Variants in PACSIN2 observed in about 807,000 individuals in gnomAD.
PACSIN2 encodes the protein protein kinase C and casein kinase substrate in neurons 2.
PACSIN2 carries 25 observed loss-of-function variants against 63.8 expected under a neutral mutation model. The observed-to-expected ratio is 0.39, with a 90% CI of 0.29 to 0.55. PACSIN2 has a LOEUF of 0.55. Among genes scored for constraint, PACSIN2 ranks in the 20% least tolerant of loss-of-function variants. PACSIN2 has a pLI of 0.62. For missense variants in PACSIN2, 518 were observed against 646.9 expected, an observed-to-expected ratio of 0.80 and a Z score of 2.16; for synonymous variants, 255 against 256.2, an observed-to-expected ratio of 1.00 and a Z score of 0.05.
chr22:42,967,369 C>G (rs1223096566), intron 1 of PACSIN2, among the ~76,000 whole-genome samples: 1 of 152,054 alleles, frequency 6.6e-6, no homozygotes, highest in Non-Finnish European at 1.5e-5. Flanking sequence ...AACACAAGGC[C>G]GCCAACTTTA....
At chr22:42,982,138 C>A (rs1601601710) in intron 1 of PACSIN2, among the ~76,000 whole-genome samples, 1 of 130,742 alleles carries the variant, frequency 7.6e-6, no homozygotes, top group Non-Finnish European at 1.6e-5. Context: ...GGGACAGCCC[C>A]CCGCCCGGCC....
chr22:42,898,361 T>G (rs1326893012), intron 2 of PACSIN2, among the ~76,000 whole-genome samples: 1 of 151,586 alleles, frequency 6.6e-6, no homozygotes, highest in Non-Finnish European at 1.5e-5. Context: ...AACCTCTGCC[T>G]CCTTGGTTCA....
chr22:42,949,734 A>C (rs1933598270), intron 1 of PACSIN2, among the ~76,000 whole-genome samples: 1 of 152,154 alleles, frequency 6.6e-6, no homozygotes, highest in Non-Finnish European at 1.5e-5. Context: ...ACAGGCAGAA[A>C]GAACCTGTCC....
chr22:42,873,687 G>C (rs780903244), intron 10 of PACSIN2, among the ~76,000 whole-genome samples: 4 of 152,244 alleles, frequency 2.6e-5, no homozygotes, highest in South Asian at 2.1e-4. Context: ...TGCTGCTTCT[G>C]GGGGAGCTTC....
intron 1 of PACSIN2, among the ~76,000 whole-genome samples, chr22:42,954,195 G>A (rs539524339): frequency 1.6e-4 from 25 of 152,138 alleles, no homozygotes; most frequent in Non-Finnish European, 3.5e-4. Flanking sequence ...CCTGGGAGGC[G>A]GAGGTTGCAG....
intron 3 of PACSIN2, 101 bp from the exon 4 acceptor site, chr22:42,891,283 G>A (rs979017440): frequency 2.8e-6 from 2 of 714,892 alleles, no homozygotes; most frequent in Admixed American, 2.6e-5. Flanking sequence ...AGACCACAGA[G>A]GGTTTCCTTT....
At chr22:43,013,292 A>G (rs1601629263) in intron 1 of PACSIN2, among the ~76,000 whole-genome samples, 1 of 152,338 alleles carries the variant, frequency 6.6e-6, no homozygotes, top group East Asian at 1.9e-4. Context: ...CAAGTAATAA[A>G]TATCACCAGC....
chr22:42,928,908 T>G (rs1932699780), intron 1 of PACSIN2, among the ~76,000 whole-genome samples: 1 of 152,254 alleles, frequency 6.6e-6, no homozygotes, highest in East Asian at 1.9e-4. Context: ...GGCAAGTCCC[T>G]TATCTTCTCA....
At chr22:42,883,271 A>G (rs1929213700) in intron 6 of PACSIN2, among the ~76,000 whole-genome samples, 1 of 152,148 alleles carries the variant, frequency 6.6e-6, no homozygotes, top group African/African-American at 2.4e-5. Flanking sequence ...TTCCTCATCA[A>G]TAAGATGGGG....
chr22:42,871,203 C>CTCATCTGCCA lies in PACSIN2; in HGVS notation c.*153_*154insTGGCAGATGA. 4.7e-6 allele frequency: 3 copies of CTCATCTGCCA among 632,078 alleles called. No homozygotes were observed. Among genetic ancestry groups the CTCATCTGCCA allele is most frequent in the Non-Finnish European group, 8.6e-6 (3 of 347,536 alleles). 39.2% of individuals were successfully genotyped at this position (632,078 alleles called of 1,614,324 possible). A position where few individuals can be genotyped will look rare whatever the true frequency, so the allele number is the denominator to read the frequency against. On this transcript the variant is annotated 3_prime_UTR_variant, in exon 11 of 11. Coordinates refer to ENST00000263246, the MANE Select transcript of PACSIN2 (RefSeq NM_001184970.3). This position sits in a 1 kb window ranked among gnomAD's most constrained non-coding sequence, Gnocchi z 5.4. ...ACTCGGAAAGGTGCCGAGTCCCAGG[C>CTCATCTGCCA]GAAATGACCAGCTCATCTGCCTTCC...
chr22:43,008,265 T>A (rs1924226935), intron 1 of PACSIN2, among the ~76,000 whole-genome samples: 1 of 152,248 alleles, frequency 6.6e-6, no homozygotes, highest in Non-Finnish European at 1.5e-5. Context: ...CTTCTTTTTT[T>A]TTTGAGACAG....
intron 1 of PACSIN2, among the ~76,000 whole-genome samples, chr22:42,964,378 A>G (rs1328327119): frequency 2.0e-5 from 3 of 149,846 alleles, no homozygotes; most frequent in Non-Finnish European, 4.4e-5. Flanking sequence ...AGATCGTGCC[A>G]TTACACTCCA....
At chr22:42,983,791 T>C (rs964627199) in intron 1 of PACSIN2, among the ~76,000 whole-genome samples, 1 of 151,804 alleles carries the variant, frequency 6.6e-6, no homozygotes, top group East Asian at 2.0e-4. Context: ...CTATGTATTG[T>C]TTTTTAAGAA....
intron 1 of PACSIN2, among the ~76,000 whole-genome samples, chr22:42,960,449 T>A (rs1024633638): frequency 1.3e-5 from 2 of 152,200 alleles, no homozygotes; most frequent in African/African-American, 2.4e-5. Context: ...CCCCATGGTC[T>A]CTCAGCAGCA....
chr22:42,990,024 A>ATGTG (rs1375468338), intron 1 of PACSIN2, among the ~76,000 whole-genome samples: 9 of 24,096 alleles, frequency 3.7e-4, no homozygotes, highest in Admixed American at 1.4e-3. Context: ...ATACACACAT[A>ATGTG]TGTATATATA....
chr22:43,007,128 C>T (rs1379498779), intron 1 of PACSIN2, among the ~76,000 whole-genome samples: 1 of 152,114 alleles, frequency 6.6e-6, no homozygotes, highest in African/African-American at 2.4e-5. Context: ...AAACTGCTCC[C>T]CAGTGAACTG....
rs548332580 is a variant in PACSIN2 at position 42,977,141 on chromosome 22, C to T, written c.-78+37880G>A. ...AGACTGATCTGTAATTTCATTTAGA[C>T]CATGGATGGAAGAAGAAACAAACAT... On this transcript the variant is annotated intron_variant, in intron 1 of 10. Transcript: ENST00000263246. Among the ~76,000 whole-genome samples the T allele has an allele frequency of 2.0e-4, 31 of 151,996 alleles. 1 individual carries two copies. The South Asian group carries it at 5.2e-3, about 25-fold the overall frequency.
chr22:42,972,742 C>T (rs995142011), intron 1 of PACSIN2, among the ~76,000 whole-genome samples: 2 of 151,964 alleles, frequency 1.3e-5, no homozygotes, highest in Admixed American at 6.6e-5. Context: ...GTCAGCCATG[C>T]TTTTACTTTT....
chr22:42,875,756 G>A (rs531835871), intron 10 of PACSIN2, among the ~76,000 whole-genome samples: 152 of 151,814 alleles, frequency 1.0e-3, no homozygotes, highest in Non-Finnish European at 1.6e-3. Context: ...GGCTGGGCTC[G>A]AACTCCTGAC....
Sources: gnomAD v4.1 joint callset for allele counts (sites outside exome capture counted in the v4.1 genomes callset) on GRCh38, gnomAD v4.1.1 for gene constraint, Gnocchi (gnomAD v3.1) non-coding constraint, MANE v1.5 for transcripts, NCBI Gene and HGNC (gene_info 2026-07-23, HGNC 2026-07-21) for gene names.